ERBB4: variants seen among roughly 807,000 people sequenced by gnomAD.
The protein encoded by ERBB4 is receptor tyrosine-protein kinase erbB-4.
A neutral mutation model predicts 158.0 loss-of-function variants in ERBB4; 42 were observed. The ratio of observed to expected loss-of-function variants is 0.27; its 90% CI spans 0.21 to 0.34. ERBB4 has a LOEUF of 0.34. ERBB4 is among the 10% of genes least tolerant of loss of function. The pLI, the probability that ERBB4 is intolerant of heterozygous loss-of-function variation, is 1.00. For missense variants in ERBB4, 1,333 were observed against 1,624.1 expected, an observed-to-expected ratio of 0.82 and a Z score of 3.08; for synonymous variants, 583 against 558.7, an observed-to-expected ratio of 1.04 and a Z score of -0.61.
At chr2:211,408,519 T>G (rs562016899) in intron 25 of ERBB4, among the ~76,000 whole-genome samples, 43 of 152,252 alleles carry the variant, frequency 2.8e-4, no homozygotes, top group African/African-American at 9.9e-4. Context: ...TTCATAAAGA[T>G]CTCTGAAACA....
intron 1 of ERBB4, among the ~76,000 whole-genome samples, chr2:212,214,123 TA>T (rs2083021876): frequency 6.6e-6 from 1 of 151,822 alleles, no homozygotes; most frequent in Non-Finnish European, 1.5e-5. Context: ...AATAAGGCAA[TA>T]AAATTAAATA....
intron 2 of ERBB4, among the ~76,000 whole-genome samples, chr2:212,120,972 T>C (rs2079729535): frequency 6.6e-6 from 1 of 152,194 alleles, no homozygotes; most frequent in Non-Finnish European, 1.5e-5. Context: ...ACAGATTACA[T>C]ATTTTGGAGA....
intron 25 of ERBB4, among the ~76,000 whole-genome samples, chr2:211,389,453 T>C (rs557222416): frequency 1.6e-4 from 24 of 152,314 alleles, no homozygotes; most frequent in Non-Finnish European, 2.9e-4. Context: ...AACTGGATAA[T>C]ATAATCTCCC....
chr2:211,841,639 T>A (rs575006728), intron 3 of ERBB4, among the ~76,000 whole-genome samples: 58 of 152,080 alleles, frequency 3.8e-4, no homozygotes, highest in African/African-American at 1.3e-3. Context: ...AATTTTAAAT[T>A]TATCTCCATG....
chr2:211,750,519 TC>T, intron 5 of ERBB4, 119 bp downstream of exon 5: 1 of 860,998 alleles, frequency 1.2e-6, no homozygotes, highest in Non-Finnish European at 2.0e-6. Context: ...CCAAAGCAAA[TC>T]AACCACAAGG....
chr2:211,689,826 G>T (rs1288180219), intron 12 of ERBB4, among the ~76,000 whole-genome samples: 4 of 151,972 alleles, frequency 2.6e-5, no homozygotes, highest in East Asian at 3.9e-4. Context: ...ATCTTCAGAG[G>T]AAATCCTGAA....
chr2:212,175,887 T>C (rs1456405785), intron 1 of ERBB4, among the ~76,000 whole-genome samples: 1 of 151,850 alleles, frequency 6.6e-6, no homozygotes, highest in African/African-American at 2.4e-5. Flanking sequence ...CCCAGAGAAG[T>C]AAAGTGAATG....
At chr2:211,427,026 G>A (rs1267811077) in intron 22 of ERBB4, among the ~76,000 whole-genome samples, 1 of 151,914 alleles carries the variant, frequency 6.6e-6, no homozygotes, top group South Asian at 2.1e-4. Context: ...TCAGACACAC[G>A]ACATTTTCTA....
At chr2:211,574,657 A>C (rs2067838479) in intron 19 of ERBB4, among the ~76,000 whole-genome samples, 1 of 152,224 alleles carries the variant, frequency 6.6e-6, no homozygotes, top group African/African-American at 2.4e-5. Context: ...GCTATAAAGA[A>C]GGAAAACACA....
At chr2:212,481,156 T>A (rs1218901248) in intron 1 of ERBB4, among the ~76,000 whole-genome samples, 1 of 148,854 alleles carries the variant, frequency 6.7e-6, no homozygotes, top group Non-Finnish European at 1.5e-5. Flanking sequence ...ATAGAATATA[T>A]CTGTAAATTA....
intron 7 of ERBB4, among the ~76,000 whole-genome samples, chr2:211,714,257 G>A (rs1356854568): frequency 6.6e-6 from 1 of 152,190 alleles, no homozygotes; most frequent in Non-Finnish European, 1.5e-5. Context: ...AGTGACATGG[G>A]ATATGCCAGA....
intron 20 of ERBB4, among the ~76,000 whole-genome samples, chr2:211,457,566 G>A (rs557303442): frequency 7.2e-5 from 11 of 152,326 alleles, no homozygotes; most frequent in African/African-American, 2.4e-4. Context: ...TTGAATATGA[G>A]CTGGTAGGGC....
chr2:212,506,182 AT>A, intron 1 of ERBB4, among the ~76,000 whole-genome samples: 1 of 148,980 alleles, frequency 6.7e-6, no homozygotes, highest in African/African-American at 2.4e-5. Flanking sequence ...GCCACAAATC[AT>A]ACCCAAACTT....
chr2:212,507,119 G>T (rs1468412049), intron 1 of ERBB4, among the ~76,000 whole-genome samples: 1 of 151,574 alleles, frequency 6.6e-6, no homozygotes, highest in Non-Finnish European at 1.5e-5. Context: ...GCTCTATATG[G>T]AACAACTAGC....
At chr2:211,595,197 T>C (rs974805554) in intron 19 of ERBB4, among the ~76,000 whole-genome samples, 1 of 152,214 alleles carries the variant, frequency 6.6e-6, no homozygotes, top group Non-Finnish European at 1.5e-5. Context: ...CTTAAAACGA[T>C]AGGCATTAAC....
intron 1 of ERBB4, among the ~76,000 whole-genome samples, chr2:212,282,661 T>C (rs1446367523): frequency 6.6e-6 from 1 of 151,852 alleles, no homozygotes; most frequent in Non-Finnish European, 1.5e-5. Flanking sequence ...ACCTCCATAA[T>C]CATTAGAGTC....
chr2:212,293,980 G>A (rs898335729), intron 1 of ERBB4, among the ~76,000 whole-genome samples: 5 of 151,372 alleles, frequency 3.3e-5, no homozygotes, highest in African/African-American at 9.7e-5. Context: ...TTCTATACCA[G>A]TTCCCTTAGA....
At chr2:211,996,320 TTATTATTCA>T (rs1338933114) in intron 2 of ERBB4, among the ~76,000 whole-genome samples, 2 of 152,112 alleles carry the variant, frequency 1.3e-5, no homozygotes, top group Non-Finnish European at 2.9e-5. Flanking sequence ...TATCCTTGTT[TTATTATTCA>T]TTAGTCTTTA....
intron 3 of ERBB4, among the ~76,000 whole-genome samples, chr2:211,912,491 A>G (rs537200333): frequency 1.3e-5 from 2 of 152,330 alleles, no homozygotes; most frequent in Non-Finnish European, 2.9e-5. Flanking sequence ...TCATACTTTT[A>G]TACAATTATA....
Sources: gnomAD v4.1 joint callset for allele counts (sites outside exome capture counted in the v4.1 genomes callset) on GRCh38, gnomAD v4.1.1 for gene constraint, MANE v1.5 for transcripts, NCBI Gene and HGNC (gene_info 2026-07-23, HGNC 2026-07-21) for gene names.